The following RABL6 variants were observed in gnomAD, a reference collection of about 807,000 sequenced individuals.
RABL6 encodes the protein rab-like protein 6.
RABL6 carries 28 observed loss-of-function variants against 72.9 expected under a neutral mutation model. The ratio of observed to expected loss-of-function variants is 0.38; its 90% CI spans 0.28 to 0.53. The LOEUF (loss-of-function observed/expected upper bound fraction) is 0.53. Ranked by LOEUF, RABL6 falls within the 20% of genes least tolerant of loss-of-function variation. The pLI, the probability that RABL6 is intolerant of heterozygous loss-of-function variation, is 0.80. For missense variants in RABL6, 1,029 were observed against 1,008.4 expected (o/e 1.02, Z -0.28); for synonymous variants, 477 against 421.2 (o/e 1.13, Z -1.62).
In RABL6 at chr9:136,841,030, A is replaced by T. The variant is rs1588377456; in HGVS notation, c.*508A>T. 2 of 1,429,864 alleles carry T rather than the reference A, an allele frequency of 1.4e-6. No individual in the cohort carries two copies. The highest frequency in any genetic ancestry group is 6.0e-5 in the Admixed American group (2 of 33,304). 88.6% of individuals were successfully genotyped at this position (1,429,864 alleles called of 1,614,324 possible). On this transcript the variant is annotated 3_prime_UTR_variant, in exon 15 of 15. Coordinates refer to ENST00000311502, the MANE Select transcript of RABL6 (RefSeq NM_024718.5). ...GGCCCCACGCTAGAAGGCTGGCGAG[A>T]CCGAAGGCAGCATGTGAGGCCTCTC...
chr9:136,808,527 C>A, intron 1 of RABL6: 1 of 389,342 alleles, frequency 2.6e-6, no homozygotes, highest in Non-Finnish European at 4.1e-6. Context: ...CTCGCGGCCC[C>A]CGAGCCGCGG....
chr9:136,837,586 C>T lies in RABL6; in HGVS notation c.1050C>T (p.Ala350=), dbSNP rs1848607202. 2.5e-6 allele frequency: 4 copies of T among 1,588,484 alleles called. No individual in the cohort carries two copies. The highest frequency in any genetic ancestry group is 3.4e-6 in the Non-Finnish European group (4 of 1,169,880). Reference sequence around the variant, plus strand: ...TGCCCCCACCTGCGTGCCCCTCAGCCCCCGCCCCACGGCGCAGCATCATCT... The same window carrying T: ...TGCCCCCACCTGCGTGCCCCTCAGCTCCCGCCCCACGGCGCAGCATCATCT... ...EALPPPACPS[A]PAPRRSIISR... is the part of the protein sequence containing the mutation. Residue 350 remains alanine (A), a synonymous_variant, in exon 9 of 15, where the codon GCC becomes GCT. Coordinates refer to ENST00000311502, the MANE Select transcript of RABL6 (RefSeq NM_024718.5).
chr9:136,820,235 G>T (rs1290908542), intron 1 of RABL6, among the ~76,000 whole-genome samples: 1 of 149,674 alleles, frequency 6.7e-6, no homozygotes, highest in Non-Finnish European at 1.5e-5. Flanking sequence ...TTAGCTGGCA[G>T]ATGTCTGTAG....
intron 1 of RABL6, among the ~76,000 whole-genome samples, chr9:136,819,787 G>A (rs1848201385): frequency 6.6e-6 from 1 of 152,218 alleles, no homozygotes; most frequent in Non-Finnish European, 1.5e-5. Context: ...ATCCTCACTG[G>A]TGCCGTGGCT....
At chr9:136,815,303 C>T (rs1848097246) in intron 1 of RABL6, 1 of 281,408 alleles carries the variant, frequency 3.6e-6, no homozygotes, top group African/African-American at 2.3e-5. Context: ...CAGTTGCTTT[C>T]TTGGTGGGTG....
At chr9:136,836,936 T>C (rs371177268) in intron 8 of RABL6, 23 of 354,524 alleles carry the variant, frequency 6.5e-5, no homozygotes, top group African/African-American at 4.9e-4. Context: ...CGCAGTGGTG[T>C]GATCTCGGCT....
At position 136,839,317 on chromosome 9, in the gene RABL6, C is replaced by G. The variant is rs143011384; in HGVS notation, c.1589C>G (p.Pro530Arg). The change falls in exon 12 of 15, where the codon CCG (proline) becomes CGG (arginine). Residue 530 changes from proline (P) to arginine (R), a missense_variant. By Grantham distance (103) the Pro-to-Arg change is moderately radical. Coordinates refer to ENST00000311502, the MANE Select transcript of RABL6 (RefSeq NM_024718.5). ...GGCGGTGTCTCTGTTCGCACAGGTC[C>G]GGAGAAGCGCAGCAGCACCAGGCCC... ...WPGGVSVRTG[P>R]EKRSSTRPPA... 1.9e-6 allele frequency: 3 copies of G among 1,612,234 alleles called. No individual in the cohort carries two copies. Among genetic ancestry groups the G allele is most frequent in the African/African-American group, 2.7e-5 (2 of 74,916 alleles).
In RABL6 at chr9:136,840,404, GGCAGCAGCGGCCCCCGC is replaced by G. The variant is rs1190541330; in HGVS notation, c.2080_2096del (p.Arg694GlyfsTer7). 3 of 1,550,652 alleles carry G rather than the reference GGCAGCAGCGGCCCCCGC, an allele frequency of 1.9e-6. No homozygotes were observed. Among genetic ancestry groups the G allele is most frequent in the East Asian group, 2.4e-5 (1 of 40,906 alleles). On this transcript the variant is annotated frameshift_variant, in exon 15 of 15. Coordinates refer to ENST00000311502, the MANE Select transcript of RABL6 (RefSeq NM_024718.5). LOFTEE classifies it low-confidence loss of function (END_TRUNC). ...GAGGGCAAGGAGGAGCGGCGACGGC[GGCAGCAGCGGCCCCCGC>G]GCAGCAGGGAGAGGACGGCTGCCGA...
chr9:136,834,908 T>C (rs1289803091), intron 7 of RABL6, among the ~76,000 whole-genome samples: 1 of 109,996 alleles, frequency 9.1e-6, no homozygotes, highest in Non-Finnish European at 1.8e-5. Context: ...CTGGGCAATA[T>C]AATATAGCAT....
chr9:136,822,147 C>G, intron 1 of RABL6: 1 of 1,210,962 alleles, frequency 8.3e-7, no homozygotes, highest in Middle Eastern at 3.5e-4. Context: ...GCTTCGAGGC[C>G]GGGCGCCCTC....
chr9:136,833,664 G>A (rs1184050945), intron 7 of RABL6: 66 of 1,546,794 alleles, frequency 4.3e-5, no homozygotes, highest in Non-Finnish European at 5.2e-5. Flanking sequence ...TGCCCCGACT[G>A]GGTCTGGGGG....
intron 5 of RABL6, among the ~76,000 whole-genome samples, chr9:136,831,427 C>T (rs973501081): frequency 5.3e-5 from 8 of 152,106 alleles, no homozygotes; most frequent in Non-Finnish European, 1.0e-4. Flanking sequence ...TGTAGGGATG[C>T]GGACATGGGG....
chr9:136,829,607 C>A, intron 5 of RABL6, 123 bp downstream of exon 5: 3 of 901,878 alleles, frequency 3.3e-6, no homozygotes, highest in Non-Finnish European at 5.2e-6. Flanking sequence ...GGGACTCTTG[C>A]TGGGCAGCTG....
rs766265541 is a variant in RABL6, at chr9:136,838,058, C to T, written c.1280+43C>T. 3.9e-6 allele frequency: 6 copies of T among 1,546,308 alleles called. 1 individual carries two copies. The South Asian group carries it at 7.2e-5, about 18-fold the overall frequency. Reference sequence around the variant, plus strand: ...GCCTCCTCTCCCATTGCCCCCCAGCCTCCAGGGTGCCCGAGCAGCAGGTGG... The same window carrying T: ...GCCTCCTCTCCCATTGCCCCCCAGCTTCCAGGGTGCCCGAGCAGCAGGTGG... On this transcript the variant is annotated intron_variant, in intron 10 of 14. Transcript: ENST00000311502.
chr9:136,834,720 G>A (rs943539506), intron 7 of RABL6, among the ~76,000 whole-genome samples: 3 of 151,958 alleles, frequency 2.0e-5, no homozygotes, highest in African/African-American at 7.3e-5. Flanking sequence ...CTCGTGATCT[G>A]CCCGCCTTGG....
chr9:136,817,591 G>GCTGAGGGGAGGCCGACGTGGA (rs1848146810), intron 1 of RABL6, among the ~76,000 whole-genome samples: 1 of 152,024 alleles, frequency 6.6e-6, no homozygotes, highest in Non-Finnish European at 1.5e-5. Flanking sequence ...GCCGACGTGG[G>GCTGAGGGGAGGCCGACGTGGA]CTGAGGGGAG....
intron 1 of RABL6, chr9:136,813,348 G>A: frequency 1.2e-6 from 1 of 848,330 alleles, no homozygotes; most frequent in Non-Finnish European, 1.9e-6. Context: ...CCTTGTCTCA[G>A]ATTCTTTCTG....
intron 10 of RABL6, 69 bp from the exon 11 acceptor site, chr9:136,838,840 C>G: frequency 7.1e-7 from 1 of 1,399,540 alleles, no homozygotes; most frequent in Non-Finnish European, 9.5e-7. Flanking sequence ...CGCCTAGAAC[C>G]AAGGCCCGTG....
At chr9:136,839,559 G>C in intron 12 of RABL6, 73 bp downstream of exon 12, 1 of 1,560,334 alleles carries the variant, frequency 6.4e-7, no homozygotes, top group South Asian at 1.2e-5. Context: ...ATCTGGGTGG[G>C]TGCAGTGGGA....
Sources: gnomAD v4.1 joint callset for allele counts (sites outside exome capture counted in the v4.1 genomes callset) on GRCh38, gnomAD v4.1.1 for gene constraint, MANE v1.5 for transcripts, NCBI Gene and HGNC (gene_info 2026-07-23, HGNC 2026-07-21) for gene names.